Variants in TMPRSS11A observed in about 807,000 individuals in gnomAD.
TMPRSS11A encodes the protein transmembrane protease serine 11A.
Under a neutral mutation model 58.9 loss-of-function variants are expected in TMPRSS11A, and 53 were observed. That is an observed-to-expected ratio of 0.90 (90% confidence interval 0.72 to 1.13). TMPRSS11A has a LOEUF of 1.13. Among genes scored for constraint, TMPRSS11A ranks in the 50% most tolerant of loss-of-function variants. The pLI is 0.00. For missense variants in TMPRSS11A, 493 were observed against 499.3 expected, an observed-to-expected ratio of 0.99 and a Z score of 0.12; for synonymous variants, 167 against 169.8, an observed-to-expected ratio of 0.98 and a Z score of 0.13.
At chr4:67,946,410 A>C in intron 2 of TMPRSS11A, 40 bp downstream of exon 2, 1 of 1,547,868 alleles carries the variant, frequency 6.5e-7, no homozygotes, top group South Asian at 1.3e-5. Context: ...CTTTGCAGAA[A>C]AATAAAATCA....
intron 1 of TMPRSS11A, among the ~76,000 whole-genome samples, chr4:67,950,702 C>T (rs1721133601): frequency 6.6e-6 from 1 of 152,088 alleles, no homozygotes; most frequent in Non-Finnish European, 1.5e-5. Flanking sequence ...TCAAAGAAAG[C>T]ATGTGAGATT....
chr4:67,923,446 C>T (rs915266149), intron 6 of TMPRSS11A, among the ~76,000 whole-genome samples: 1 of 152,138 alleles, frequency 6.6e-6, no homozygotes, highest in South Asian at 2.1e-4. Context: ...ATTTAGGCCA[C>T]AGTGATTTGA....
At chr4:67,946,334 G>T in intron 2 of TMPRSS11A, 116 bp downstream of exon 2, 1 of 1,027,968 alleles carries the variant, frequency 9.7e-7, no homozygotes, top group Non-Finnish European at 1.4e-6. Context: ...AATATACTCT[G>T]TGGAAATTTG....
chr4:67,938,780 G>A (rs539285186), intron 3 of TMPRSS11A, among the ~76,000 whole-genome samples: 1 of 151,832 alleles, frequency 6.6e-6, no homozygotes, highest in Non-Finnish European at 1.5e-5. Flanking sequence ...GTCTGTTTTT[G>A]TACCAATGCC....
intron 4 of TMPRSS11A, among the ~76,000 whole-genome samples, chr4:67,931,225 C>G (rs1720608896): frequency 6.6e-6 from 1 of 152,152 alleles, no homozygotes; most frequent in South Asian, 2.1e-4. Context: ...ACGGAAGTCA[C>G]TAGTTACTCA....
chr4:67,944,982 T>C (rs573424198), intron 2 of TMPRSS11A, among the ~76,000 whole-genome samples: 10 of 152,286 alleles, frequency 6.6e-5, no homozygotes, highest in African/African-American at 2.2e-4. Flanking sequence ...CTGTCCAAGT[T>C]TTAAATCCAG....
intron 1 of TMPRSS11A, among the ~76,000 whole-genome samples, chr4:67,960,313 AAC>A (rs1001540223): frequency 2.0e-5 from 3 of 152,210 alleles, no homozygotes; most frequent in African/African-American, 7.2e-5. Flanking sequence ...TAAATTAAAA[AAC>A]AGTTATTCTT....
At chr4:67,958,702 G>A (rs1012051059) in intron 1 of TMPRSS11A, among the ~76,000 whole-genome samples, 1 of 152,140 alleles carries the variant, frequency 6.6e-6, no homozygotes, top group Admixed American at 6.5e-5. Context: ...GGGAAGGCAT[G>A]ATTCGTTTTA....
At chr4:67,960,535 T>C (rs753703193) in intron 1 of TMPRSS11A, among the ~76,000 whole-genome samples, 45 of 152,288 alleles carry the variant, frequency 3.0e-4, no homozygotes, top group Non-Finnish European at 4.4e-4. Context: ...TAATGTAATA[T>C]GTATATTATA....
chr4:67,913,577 C>T (rs1194579004), intron 9 of TMPRSS11A, among the ~76,000 whole-genome samples: 1 of 152,176 alleles, frequency 6.6e-6, no homozygotes, highest in East Asian at 1.9e-4. Context: ...TCATGGTTCA[C>T]CTGAATTCCC....
rs1210848171 is a variant in TMPRSS11A, at chr4:67,914,613, A to C, written c.1070T>G (p.Met357Arg). The C allele has an allele frequency of 6.2e-7, 1 of 1,613,792 alleles. No homozygotes were observed. The highest frequency in any genetic ancestry group is 8.5e-7 in the Non-Finnish European group (1 of 1,179,882). ...IKPGMFCAGY[M>R]EGIYDACRGD... Reference sequence around the variant, plus strand: ...CCTGCAGGCATCATAAATTCCTTCCATATATCCGGCACAGAACATTCCAGG... The same window carrying C: ...CCTGCAGGCATCATAAATTCCTTCCCTATATCCGGCACAGAACATTCCAGG... The change falls in exon 9 of 10, where the codon ATG becomes AGG. Residue 357 changes from methionine to arginine, a missense_variant. Physicochemically the swap from Met to Arg is moderately conservative, Grantham distance 91. Coordinates refer to ENST00000508048, the MANE Select transcript of TMPRSS11A (RefSeq NM_001114387.2).
In TMPRSS11A at chr4:67,931,988, C is replaced by T. The variant is rs1470585341; in HGVS notation, c.320+5G>A. The T allele has an allele frequency of 1.9e-6, 3 of 1,580,728 alleles. No individual in the cohort carries two copies. Among genetic ancestry groups the T allele is most frequent in the East Asian group, 2.2e-5 (1 of 44,740 alleles). ...GTGATTCCACCTTTGCCCAAACATA[C>T]ATACGTCAGTCTGACTACTTGGTTC... On this transcript the variant is annotated splice_donor_5th_base_variant and intron_variant, in intron 4 of 9. Transcript: ENST00000508048.
At chr4:67,947,616 G>A (rs1721055862) in intron 1 of TMPRSS11A, among the ~76,000 whole-genome samples, 1 of 152,166 alleles carries the variant, frequency 6.6e-6, no homozygotes. Flanking sequence ...TTCAAAGGTG[G>A]TGCTGTGTAT....
At chr4:67,948,771 C>T (rs1036103922) in intron 1 of TMPRSS11A, among the ~76,000 whole-genome samples, 3 of 152,172 alleles carry the variant, frequency 2.0e-5, no homozygotes, top group Non-Finnish European at 4.4e-5. Context: ...TTAAAACATA[C>T]ATTTATAAGT....
intron 2 of TMPRSS11A, 37 bp from the exon 3 acceptor site, chr4:67,944,674 TG>T: frequency 6.3e-7 from 1 of 1,586,890 alleles, no homozygotes; most frequent in Non-Finnish European, 8.6e-7. Flanking sequence ...CTAAATGGTT[TG>T]GACAAAGATT....
At chr4:67,953,792 T>C (rs1436300239) in intron 1 of TMPRSS11A, among the ~76,000 whole-genome samples, 1 of 132,060 alleles carries the variant, frequency 7.6e-6, no homozygotes, top group East Asian at 2.6e-4. Context: ...TGAAACTCCA[T>C]CTCAAAAAAA....
chr4:67,952,574 C>T (rs74575176), intron 1 of TMPRSS11A, among the ~76,000 whole-genome samples: 12 of 152,278 alleles, frequency 7.9e-5, no homozygotes, highest in African/African-American at 2.9e-4. Flanking sequence ...CTTTCCTCCC[C>T]ATCCCCACAG....
At chr4:67,925,743 A>T (rs1045382100) in intron 5 of TMPRSS11A, among the ~76,000 whole-genome samples, 1 of 152,212 alleles carries the variant, frequency 6.6e-6, no homozygotes, top group African/African-American at 2.4e-5. Flanking sequence ...TTTGTAATGC[A>T]ATAAAGTGGA....
At position 67,911,350 on chromosome 4, in the gene TMPRSS11A, C is replaced by A. The variant is rs1303463414; in HGVS notation, c.1249G>T (p.Gly417Cys). The A allele has an allele frequency of 6.2e-7, 1 of 1,612,778 alleles. No homozygotes were observed. Among genetic ancestry groups the A allele is most frequent in the African/African-American group, 1.3e-5 (1 of 74,978 alleles). Residue 417 changes from glycine to cysteine, a missense_variant, in exon 10 of 10, where the codon GGC (glycine) becomes TGC (cysteine). Gly to Cys is a radical substitution (Grantham distance 159). Coordinates refer to ENST00000508048, the MANE Select transcript of TMPRSS11A (RefSeq NM_001114387.2). ...TTAACTTTTATCGTGAATTAGATGC[C>A]TGTTTTTGAAGCAATCCAGTTTCGG... is the stretch of plus-strand genomic sequence containing the variant. ...YYRNWIASKT[G>C]I
Sources: gnomAD v4.1 joint callset for allele counts (sites outside exome capture counted in the v4.1 genomes callset) on GRCh38, gnomAD v4.1.1 for gene constraint, MANE v1.5 for transcripts, NCBI Gene and HGNC (gene_info 2026-07-23, HGNC 2026-07-21) for gene names.